MMS19: variants seen among roughly 807,000 people sequenced by gnomAD.
MMS19 encodes MMS19 cytosolic iron-sulfur assembly component.
A neutral mutation model predicts 129.8 loss-of-function variants in MMS19; 77 were observed. The observed-to-expected ratio is 0.59, with a 90% confidence interval of 0.49 to 0.72. The LOEUF (loss-of-function observed/expected upper bound fraction) is 0.72, where lower values mean the gene tolerates loss of function less well. MMS19 is among the 30% of genes least tolerant of loss of function. The pLI, the probability that MMS19 is intolerant of heterozygous loss-of-function variation, is 0.00. For missense variants in MMS19, 1,168 were observed against 1,266.3 expected (o/e 0.92, Z 1.18); for synonymous variants, 491 against 502.8 (o/e 0.98, Z 0.31).
chr10:97,462,900 C>G (rs2032399118), intron 19 of MMS19: 1 of 552,348 alleles, frequency 1.8e-6, no homozygotes, highest in Non-Finnish European at 3.2e-6. Context: ...GAACTCTGCA[C>G]AGTCTTTAGA....
chr10:97,485,737 C>T (rs1190596087), intron 1 of MMS19, among the ~76,000 whole-genome samples: 2 of 152,156 alleles, frequency 1.3e-5, no homozygotes, highest in South Asian at 2.1e-4. Context: ...CATAAGCCAC[C>T]GCACCTAGAC....
chr10:97,493,969 C>T (rs10882946), intron 1 of MMS19, among the ~76,000 whole-genome samples: 42,136 of 151,932 alleles, frequency 0.28, 6,096 homozygotes, highest in East Asian at 0.47. Flanking sequence ...CAGCAGAGAT[C>T]GCACCATTGC....
intron 1 of MMS19, among the ~76,000 whole-genome samples, chr10:97,485,213 C>T (rs1362364257): frequency 3.3e-5 from 5 of 152,126 alleles, no homozygotes; most frequent in Non-Finnish European, 5.9e-5. Context: ...GCTGCAACCT[C>T]CACCTCCTGG....
At chr10:97,468,933 C>A (rs2034116119) in intron 12 of MMS19, 33 bp downstream of exon 12, 2 of 1,568,120 alleles carry the variant, frequency 1.3e-6, no homozygotes, top group African/African-American at 1.4e-5. Context: ...CTATTGTGCT[C>A]ACTCCCCTTC....
intron 3 of MMS19, chr10:97,480,283 T>C (rs1298980575): frequency 6.5e-6 from 3 of 464,002 alleles, no homozygotes; most frequent in Admixed American, 2.4e-5. Flanking sequence ...CTCTTGGCTT[T>C]GGAGCCCCGC....
chr10:97,498,461 C>G (rs764549373), upstream of MMS19: 18 of 1,530,820 alleles, frequency 1.2e-5, no homozygotes, highest in Admixed American at 3.6e-4. Flanking sequence ...CCTCCCGAGC[C>G]AATCTCCGGG....
chr10:97,470,284 GTCCCTAAAAGCA>G, intron 9 of MMS19, 81 bp from the exon 10 acceptor site: 2 of 955,502 alleles, frequency 2.1e-6, no homozygotes, highest in Non-Finnish European at 3.3e-6. Flanking sequence ...CTTGCCATCA[GTCCCTAAAAGCA>G]GGTACTACAT....
chr10:97,464,793 G>A (rs2033022464), intron 18 of MMS19, among the ~76,000 whole-genome samples: 1 of 151,878 alleles, frequency 6.6e-6, no homozygotes. Context: ...TGCCTCCCGG[G>A]CTCAAAGTGA....
rs375891070 is a variant in MMS19, at chr10:97,480,999, T to C, written c.205A>G (p.Ile69Val). ...AGTAGCACCTGTGACAAAAGCTGGA[T>C]TGCTCGTGCCCGAGTTCGGGGTTCT... is the stretch of plus-strand genomic sequence containing the variant. ...NPEPRTRARA[I>V]QLLSQVLLHC... is the part of the protein sequence containing the mutation. The change falls in exon 3 of 31, where the codon ATC (isoleucine) becomes GTC (valine). Residue 69 changes from isoleucine to valine, a missense_variant. Ile to Val is a conservative substitution (Grantham distance 29, BLOSUM62 3). Transcript: ENST00000438925. 1.9e-6 allele frequency: 3 copies of C among 1,610,504 alleles called. No homozygotes were observed. Among genetic ancestry groups the C allele is most frequent in the African/African-American group, 2.7e-5 (2 of 74,874 alleles).
intron 2 of MMS19, among the ~76,000 whole-genome samples, chr10:97,482,733 T>TACACACACAC (rs1450510190): frequency 7.0e-5 from 8 of 114,334 alleles, no homozygotes; most frequent in African/African-American, 2.7e-4. Flanking sequence ...TGTGTGTATA[T>TACACACACAC]ATATACACAC....
Position 97,498,390 on chromosome 10 carries a change from G to T in MMS19, c.-6C>A, listed in dbSNP as rs762641546. 2.5e-6 allele frequency: 4 copies of T among 1,580,068 alleles called. No homozygotes were observed. The highest frequency in any genetic ancestry group is 1.3e-5 in the African/African-American group (1 of 74,402). ...ACAGCCGCGGCAGCGGCCATAACGC[G>T]AACTAGAGACCGTGGGAGGGGATAT... On this transcript the variant is annotated 5_prime_UTR_variant, in exon 1 of 31. Coordinates refer to ENST00000438925, the MANE Select transcript of MMS19 (RefSeq NM_022362.5).
At chr10:97,474,568 C>T (rs1257893895) in intron 8 of MMS19, among the ~76,000 whole-genome samples, 3 of 152,014 alleles carry the variant, frequency 2.0e-5, no homozygotes. Context: ...CAAAACAGAA[C>T]AGAACCAACA....
intron 13 of MMS19, among the ~76,000 whole-genome samples, chr10:97,467,933 GC>G (rs1411561503): frequency 6.7e-6 from 1 of 150,336 alleles, no homozygotes; most frequent in African/African-American, 2.5e-5. Context: ...CTCCTAAAGT[GC>G]TGGGATTACA....
intron 1 of MMS19, among the ~76,000 whole-genome samples, chr10:97,486,078 G>A (rs974079938): frequency 4.6e-5 from 7 of 152,206 alleles, no homozygotes; most frequent in African/African-American, 1.7e-4. Context: ...CAACCTAAGT[G>A]TCAACAGATA....
At chr10:97,482,593 C>A (rs2036992266) in intron 2 of MMS19, among the ~76,000 whole-genome samples, 1 of 151,938 alleles carries the variant, frequency 6.6e-6, no homozygotes, top group African/African-American at 2.4e-5. Flanking sequence ...AAAATGTCCT[C>A]AAAATGACTG....
intron 1 of MMS19, among the ~76,000 whole-genome samples, chr10:97,497,030 T>C (rs565469982): frequency 6.6e-6 from 1 of 152,354 alleles, no homozygotes; most frequent in African/African-American, 2.4e-5. Flanking sequence ...TAAGACACTG[T>C]ACTTGTAAAT....
chr10:97,465,778 C>T (rs776260381), intron 18 of MMS19, 27 bp downstream of exon 18: 27 of 1,601,746 alleles, frequency 1.7e-5, no homozygotes, highest in Non-Finnish European at 2.0e-5. Flanking sequence ...TCAGCCCAGT[C>T]CGTTGGTGGT....
rs1309378781 is a variant in MMS19, at chr10:97,459,298, A to C, written c.2905-16T>G. On this transcript the variant is annotated splice_polypyrimidine_tract_variant and intron_variant, in intron 28 of 30. Coordinates refer to ENST00000438925, the MANE Select transcript of MMS19 (RefSeq NM_022362.5). ...TCCGGACAGCCTGGAACACAACCAC[A>C]AGGAGGTGAGAGCATGCCCAGGGAG... 7 of 1,613,344 alleles carry C rather than the reference A, an allele frequency of 4.3e-6. No individual in the cohort carries two copies. Among genetic ancestry groups the C allele is most frequent in the Non-Finnish European group, 5.1e-6 (6 of 1,179,544 alleles).
chr10:97,487,854 T>C (rs2038186967), intron 1 of MMS19, among the ~76,000 whole-genome samples: 1 of 152,030 alleles, frequency 6.6e-6, no homozygotes, highest in South Asian at 2.1e-4. Flanking sequence ...CAGTGGCTCA[T>C]GCCTGTAATC....
Sources: gnomAD v4.1 joint callset for allele counts (sites outside exome capture counted in the v4.1 genomes callset) on GRCh38, gnomAD v4.1.1 for gene constraint, MANE v1.5 for transcripts, NCBI Gene and HGNC (gene_info 2026-07-23, HGNC 2026-07-21) for gene names.